Variants in KCNMA1 observed in about 807,000 individuals in gnomAD.
The protein encoded by KCNMA1 is Calcium-activated potassium channel subunit alpha-1.
A neutral mutation model predicts 140.0 loss-of-function variants in KCNMA1; 29 were observed. The observed-to-expected ratio is 0.21, with a 90% CI of 0.15 to 0.28. KCNMA1 has a LOEUF of 0.28. KCNMA1 is among the 10% of genes least tolerant of loss of function. The pLI is 1.00. For missense variants in KCNMA1, 880 were observed against 1,602.2 expected (o/e 0.55, Z 7.70); for synonymous variants, 612 against 611.9 (o/e 1.00, Z 0.00).
intron 14 of KCNMA1, chr10:77,063,856 AG>A (rs1595090576): frequency 1.0e-6 from 1 of 985,450 alleles, no homozygotes; most frequent in East Asian, 1.1e-4. Flanking sequence ...AATTAATTAA[AG>A]GCCAATTATC....
chr10:77,404,869 G>A (rs549805407), intron 1 of KCNMA1, among the ~76,000 whole-genome samples: 5 of 151,978 alleles, frequency 3.3e-5, no homozygotes, highest in South Asian at 4.2e-4. Flanking sequence ...ACTCAAGCGT[G>A]GAACATTTGC....
At chr10:77,037,556 A>G (rs1247756) in intron 15 of KCNMA1, among the ~76,000 whole-genome samples, 88,908 of 151,808 alleles carry the variant, frequency 0.59, 26,050 homozygotes, top group African/African-American at 0.62. Context: ...TCCCAAGAGC[A>G]GAGTAAGAGA....
intron 6 of KCNMA1, among the ~76,000 whole-genome samples, chr10:77,120,047 T>C (rs1175411718): frequency 1.3e-5 from 2 of 152,180 alleles, no homozygotes; most frequent in African/African-American, 4.8e-5. Context: ...TCCTCAAAAC[T>C]ACAGATATAT....
intron 20 of KCNMA1, among the ~76,000 whole-genome samples, chr10:76,960,181 C>T (rs1175219284): frequency 6.6e-6 from 1 of 152,150 alleles, no homozygotes; most frequent in East Asian, 1.9e-4. Flanking sequence ...CCCCATAACC[C>T]TTGCATCTCA....
intron 1 of KCNMA1, among the ~76,000 whole-genome samples, chr10:77,542,661 A>C (rs1383815894): frequency 6.6e-6 from 1 of 152,178 alleles, no homozygotes; most frequent in African/African-American, 2.4e-5. Context: ...AAGCAAAACA[A>C]AAAAACAAAA....
chr10:76,880,630 C>T (rs1019300603), downstream of KCNMA1, among the ~76,000 whole-genome samples: 2 of 152,224 alleles, frequency 1.3e-5, no homozygotes, highest in African/African-American at 4.8e-5. Context: ...AGCCATTCAG[C>T]ATCCATGGAG....
intron 1 of KCNMA1, among the ~76,000 whole-genome samples, chr10:77,445,045 G>A (rs1320829479): frequency 1.3e-5 from 2 of 152,168 alleles, no homozygotes; most frequent in Non-Finnish European, 2.9e-5. Flanking sequence ...TGAGATAGAT[G>A]CCCAAGGCTC....
intron 1 of KCNMA1, among the ~76,000 whole-genome samples, chr10:77,535,042 G>T (rs1270762580): frequency 6.6e-6 from 1 of 152,136 alleles, no homozygotes; most frequent in Non-Finnish European, 1.5e-5. Flanking sequence ...TGCTATAAGG[G>T]TCGTGGAGAT....
At chr10:76,986,787 T>C (rs1005294688) in intron 19 of KCNMA1, among the ~76,000 whole-genome samples, 4 of 152,206 alleles carry the variant, frequency 2.6e-5, no homozygotes, top group Non-Finnish European at 4.4e-5. Context: ...GGGTTTGCCA[T>C]GGCTTCCTAC....
chr10:77,183,222 C>T (rs1044227678), intron 5 of KCNMA1, among the ~76,000 whole-genome samples, 199 bp downstream of exon 5: 9 of 152,164 alleles, frequency 5.9e-5, no homozygotes, highest in African/African-American at 1.7e-4. Flanking sequence ...CTGCCTGAAG[C>T]GCAAACTGTG....
In KCNMA1 at chr10:77,222,529, T is replaced by G. The variant is rs953854143; in HGVS notation, c.602+28666A>C. 3.9e-5 allele frequency among the ~76,000 whole-genome samples: 6 copies of G among 152,322 alleles called. No homozygotes were observed. The East Asian group carries it at 1.2e-3, about 29-fold the overall frequency. Reference sequence around the variant, plus strand: ...GCAGTCCTTCTGCAAGATCCCAATATTTTCAGGTTCTACCTGGGTCAGTTC... The same window carrying G: ...GCAGTCCTTCTGCAAGATCCCAATAGTTTCAGGTTCTACCTGGGTCAGTTC... On this transcript the variant is annotated intron_variant, in intron 3 of 27. Transcript: ENST00000286628.
intron 2 of KCNMA1, among the ~76,000 whole-genome samples, chr10:77,266,883 T>C (rs1308406922): frequency 6.6e-6 from 1 of 152,208 alleles, no homozygotes; most frequent in Non-Finnish European, 1.5e-5. Flanking sequence ...GACTGCTGTA[T>C]ACCAAGCTTT....
At chr10:76,871,148 C>G (rs1332126649) in exon 28 of KCNMA1, 1 of 152,442 alleles carries the variant, frequency 6.6e-6, no homozygotes, top group Non-Finnish European at 1.5e-5. Flanking sequence ...CTCTGTGGGT[C>G]TGGCTTCCAC....
chr10:76,939,904 T>A (rs2061535266), intron 23 of KCNMA1: 1 of 152,228 alleles, frequency 6.6e-6, no homozygotes, highest in Admixed American at 6.5e-5. Flanking sequence ...AGAGCCACTG[T>A]TGTACCAGCT....
chr10:77,304,086 C>T (rs528160191), intron 2 of KCNMA1, among the ~76,000 whole-genome samples: 3 of 152,114 alleles, frequency 2.0e-5, no homozygotes, highest in Non-Finnish European at 4.4e-5. Context: ...CCATAAGAAC[C>T]ACAATGGGTC....
At chr10:76,892,633 T>C (rs2040665560) in intron 25 of KCNMA1, among the ~76,000 whole-genome samples, 1 of 152,112 alleles carries the variant, frequency 6.6e-6, no homozygotes, top group Non-Finnish European at 1.5e-5. Flanking sequence ...AAAGATGCAA[T>C]TGCACCTCAG....
chr10:76,908,433 G>A (rs2048694181), intron 25 of KCNMA1, among the ~76,000 whole-genome samples: 1 of 152,194 alleles, frequency 6.6e-6, no homozygotes, highest in African/African-American at 2.4e-5. Context: ...TCAGACGAAT[G>A]TCATTTCACA....
chr10:77,491,348 T>C (rs1177694188), intron 1 of KCNMA1, among the ~76,000 whole-genome samples: 3 of 152,058 alleles, frequency 2.0e-5, no homozygotes, highest in Non-Finnish European at 4.4e-5. Flanking sequence ...GTGCCCTCAG[T>C]TACTAGGTCA....
At chr10:77,075,091 C>T (rs1292204219) in intron 13 of KCNMA1, among the ~76,000 whole-genome samples, 1 of 152,134 alleles carries the variant, frequency 6.6e-6, no homozygotes, top group Admixed American at 6.5e-5. Context: ...GTGGGTACTC[C>T]AGGGAGAGAT....
Sources: allele counts gnomAD v4.1 joint callset (sites outside exome capture counted in the v4.1 genomes callset), GRCh38; gene constraint gnomAD v4.1.1; transcripts MANE v1.5; gene names NCBI Gene and HGNC (gene_info 2026-07-23, HGNC 2026-07-21).